GRIP1: variants seen among roughly 807,000 people sequenced by gnomAD.
The protein encoded by GRIP1 is glutamate receptor interacting protein 1.
Under a neutral mutation model 129.9 loss-of-function variants are expected in GRIP1, and 45 were observed. That is an observed-to-expected ratio of 0.35 (90% CI 0.27 to 0.44). GRIP1 has a LOEUF of 0.44. Ranked by LOEUF, GRIP1 falls within the 20% of genes least tolerant of loss-of-function variation. The pLI, the probability that GRIP1 is intolerant of heterozygous loss-of-function variation, is 1.00. For missense variants in GRIP1, 1,196 were observed against 1,396.8 expected (o/e 0.86, Z 2.29); for synonymous variants, 530 against 520.8 (o/e 1.02, Z -0.24).
chr12:66,434,577 T>TA (rs1386245215), intron 13 of GRIP1, among the ~76,000 whole-genome samples: 1 of 152,218 alleles, frequency 6.6e-6, no homozygotes, highest in Non-Finnish European at 1.5e-5. Context: ...ATGAAGTAGG[T>TA]AAAAAACCAC....
chr12:66,828,358 T>A (rs2039455259), intron 1 of GRIP1, among the ~76,000 whole-genome samples: 1 of 152,194 alleles, frequency 6.6e-6, no homozygotes, highest in Admixed American at 6.5e-5. Flanking sequence ...AGTTCACCTT[T>A]CAAATTTTAA....
At chr12:66,627,357 C>G (rs1282014550) in intron 1 of GRIP1, among the ~76,000 whole-genome samples, 1 of 152,098 alleles carries the variant, frequency 6.6e-6, no homozygotes, top group Non-Finnish European at 1.5e-5. Flanking sequence ...GCTCAGTACA[C>G]AAAACAAAGT....
At chr12:66,923,465 T>G (rs2041245978) in intron 1 of GRIP1, among the ~76,000 whole-genome samples, 1 of 152,190 alleles carries the variant, frequency 6.6e-6, no homozygotes, top group Non-Finnish European at 1.5e-5. Context: ...CCATTCACTT[T>G]CCACCATCAC....
At chr12:67,043,727 C>A (rs1336815009) in intron 1 of GRIP1, among the ~76,000 whole-genome samples, 2 of 152,112 alleles carry the variant, frequency 1.3e-5, no homozygotes, top group Admixed American at 6.6e-5. Context: ...GAGAAAAACC[C>A]CATAATCCAC....
intron 13 of GRIP1, among the ~76,000 whole-genome samples, chr12:66,435,596 A>G (rs1029625544): frequency 1.3e-5 from 2 of 152,276 alleles, no homozygotes; most frequent in East Asian, 1.9e-4. Flanking sequence ...GTATATCTGT[A>G]TACGTATATA....
rs1037579114 is a variant in GRIP1, at chr12:66,855,982, A to G, written c.58+213068T>C. On this transcript the variant is annotated intron_variant, in intron 1 of 1. Coordinates refer to the GRIP1 transcript ENST00000643019. Reference sequence around the variant, plus strand: ...ATCAGAGTTTTTCTAAATAATAAAAATTAAAAAAAAGGGATAGTTGAATCT... The same window carrying G: ...ATCAGAGTTTTTCTAAATAATAAAAGTTAAAAAAAAGGGATAGTTGAATCT... 4.7e-5 allele frequency among the ~76,000 whole-genome samples: 7 copies of G among 149,852 alleles called. No homozygotes were observed. In the Admixed American group the frequency reaches 4.7e-4, roughly 10 times the overall value.
At chr12:66,968,993 T>C (rs2042035640) in intron 1 of GRIP1, among the ~76,000 whole-genome samples, 1 of 152,156 alleles carries the variant, frequency 6.6e-6, no homozygotes. Flanking sequence ...TTTATGGATT[T>C]AGAATTCAAA....
intron 1 of GRIP1, among the ~76,000 whole-genome samples, chr12:66,694,534 G>A (rs2136326120): frequency 6.6e-6 from 1 of 152,204 alleles, no homozygotes; most frequent in Non-Finnish European, 1.5e-5. Context: ...ATTATTATAT[G>A]TTGTTATCAT....
chr12:66,630,578 G>C (rs931028236), intron 1 of GRIP1, among the ~76,000 whole-genome samples: 1 of 152,152 alleles, frequency 6.6e-6, no homozygotes, highest in South Asian at 2.1e-4. Flanking sequence ...GTTTAAAATG[G>C]AGTCTATCTT....
At chr12:66,503,661 C>A (rs1213404479) in intron 7 of GRIP1, among the ~76,000 whole-genome samples, 1 of 152,132 alleles carries the variant, frequency 6.6e-6, no homozygotes, top group African/African-American at 2.4e-5. Context: ...CACTGGTAAC[C>A]TGAATACCTT....
At chr12:66,931,451 G>A (rs1273641583) in intron 1 of GRIP1, among the ~76,000 whole-genome samples, 1 of 152,160 alleles carries the variant, frequency 6.6e-6, no homozygotes, top group Non-Finnish European at 1.5e-5. Flanking sequence ...TGAAGAAAGG[G>A]AAACTAGGGC....
At chr12:66,887,299 A>C (rs1439125426) in intron 1 of GRIP1, among the ~76,000 whole-genome samples, 1 of 152,244 alleles carries the variant, frequency 6.6e-6, no homozygotes, top group Non-Finnish European at 1.5e-5. Flanking sequence ...ATTAATGTTC[A>C]AATCATAATG....
intron 1 of GRIP1, among the ~76,000 whole-genome samples, chr12:66,964,700 T>TG (rs1301358821): frequency 1.3e-5 from 2 of 152,194 alleles, no homozygotes; most frequent in African/African-American, 4.8e-5. Context: ...ACTCCGATTA[T>TG]GTGATAGGTA....
At chr12:66,363,273 T>C (rs1039132758) in intron 23 of GRIP1, among the ~76,000 whole-genome samples, 2 of 145,976 alleles carry the variant, frequency 1.4e-5, no homozygotes, top group Non-Finnish European at 3.0e-5. Flanking sequence ...AGACAGGGTC[T>C]TGCTCTGTCA....
At chr12:66,609,411 A>G (rs11176313) in intron 1 of GRIP1, among the ~76,000 whole-genome samples, 6,945 of 152,238 alleles carry the variant, frequency 0.046, 315 homozygotes, top group African/African-American at 0.12. Context: ...GCTATGGGCT[A>G]TCATACCTGA....
intron 1 of GRIP1, among the ~76,000 whole-genome samples, chr12:66,801,421 T>G (rs2038855644): frequency 6.6e-6 from 1 of 152,106 alleles, no homozygotes; most frequent in Non-Finnish European, 1.5e-5. Flanking sequence ...TTGATGGAAT[T>G]TCAGAAAAGT....
At chr12:66,598,315 C>A (rs1205218839) in intron 1 of GRIP1, among the ~76,000 whole-genome samples, 5 of 152,108 alleles carry the variant, frequency 3.3e-5, no homozygotes, top group Admixed American at 6.5e-5. Context: ...CTGTAAGTGG[C>A]AATTAACTTA....
At chr12:66,578,764 C>A (rs1057101934) in intron 2 of GRIP1, among the ~76,000 whole-genome samples, 1 of 152,206 alleles carries the variant, frequency 6.6e-6, no homozygotes, top group Non-Finnish European at 1.5e-5. Context: ...GAAGCTCCAA[C>A]GGGGTGGAGC....
intron 20 of GRIP1, 124 bp downstream of exon 20, chr12:66,379,156 T>A (rs1234315220): frequency 4.6e-6 from 5 of 1,087,616 alleles, no homozygotes; most frequent in Non-Finnish European, 7.1e-6. Context: ...CCAGCATGGA[T>A]GATTATGGTG....
Sources: allele counts gnomAD v4.1 joint callset (sites outside exome capture counted in the v4.1 genomes callset), GRCh38; gene constraint gnomAD v4.1.1; transcripts MANE v1.5; gene names NCBI Gene and HGNC (gene_info 2026-07-23, HGNC 2026-07-21).